Variants in ASB4 observed in about 807,000 individuals in gnomAD.
The protein encoded by ASB4 is ankyrin repeat and SOCS box protein 4.
Under a neutral mutation model 38.6 loss-of-function variants are expected in ASB4, and 35 were observed. The observed-to-expected ratio is 0.91, with a 90% confidence interval of 0.69 to 1.20. The LOEUF (loss-of-function observed/expected upper bound fraction) is 1.20, where lower values mean the gene tolerates loss of function less well. Ranked by LOEUF, ASB4 falls within the 50% of genes most tolerant of loss-of-function variation. The probability of loss-of-function intolerance (pLI) is 0.00; values close to 1 mark genes in which losing one functional copy is unlikely to be tolerated. For missense variants in ASB4, 557 were observed against 527.2 expected (o/e 1.06, Z -0.55); for synonymous variants, 195 against 201.3 (o/e 0.97, Z 0.26).
At chr7:95,509,667 C>T (rs762755390) in intron 2 of ASB4, among the ~76,000 whole-genome samples, 6 of 152,058 alleles carry the variant, frequency 3.9e-5, no homozygotes, top group Admixed American at 2.0e-4. Flanking sequence ...ATTGGCACTA[C>T]ATATAAAGGA....
chr7:95,495,758 G>C lies in ASB4; in HGVS notation c.188G>C (p.Gly63Ala), dbSNP rs1161252957. 6 of 1,529,564 alleles carry C rather than the reference G, an allele frequency of 3.9e-6. No individual in the cohort carries two copies. Among genetic ancestry groups the C allele is most frequent in the Non-Finnish European group, 5.3e-6 (6 of 1,134,226 alleles). The allele number at this position is 1,529,564 out of a possible 1,614,324, so 94.7% of individuals were successfully genotyped here. Reference sequence around the variant, plus strand: ...TTTTCCTTTTTTTTTTTTTTTTCAGGTTACTGGTTGCCTAGCTATAAATTG... The same window carrying C: ...TTTTCCTTTTTTTTTTTTTTTTCAGCTTACTGGTTGCCTAGCTATAAATTG... Reference protein sequence around the residue: ...ENMVLASYKQGYWLPSYKLKS... With the variant: ...ENMVLASYKQAYWLPSYKLKS... The change falls in exon 2 of 5, where the codon GGT (glycine) becomes GCT (alanine). Residue 63 changes from glycine to alanine, a missense_variant and splice_region_variant. Coordinates refer to ENST00000325885, the MANE Select transcript of ASB4 (RefSeq NM_016116.3).
At chr7:95,500,942 G>C (rs1052274537) in intron 2 of ASB4, among the ~76,000 whole-genome samples, 1 of 152,018 alleles carries the variant, frequency 6.6e-6, no homozygotes, top group Admixed American at 6.5e-5. Context: ...GCATAATTTG[G>C]AGCTTACTCA....
the ASB4 span, among the ~76,000 whole-genome samples, chr7:95,549,643 C>A: frequency 1.3e-4 from 20 of 152,086 alleles, no homozygotes; most frequent in African/African-American, 4.8e-4. Context: ...AAGAACAGGT[C>A]TGTAATGATG....
downstream of ASB4, chr7:95,543,028 G>A (rs1790991123): frequency 6.6e-6 from 1 of 152,260 alleles, no homozygotes; most frequent in East Asian, 1.9e-4. Flanking sequence ...TCCTTCTCAA[G>A]ATCCAGGAGC....
chr7:95,490,726 A>C (rs1012978360), intron 1 of ASB4, among the ~76,000 whole-genome samples: 1 of 152,248 alleles, frequency 6.6e-6, no homozygotes, highest in Admixed American at 6.5e-5. Flanking sequence ...AGGCCCAAAC[A>C]CTTTGCTCCT....
intron 2 of ASB4, among the ~76,000 whole-genome samples, chr7:95,498,195 G>A (rs1336630884): frequency 6.6e-6 from 1 of 152,114 alleles, no homozygotes; most frequent in Non-Finnish European, 1.5e-5. Context: ...ATTAGGCTGG[G>A]CACGGTGGCT....
At chr7:95,550,273 C>G in the ASB4 span, among the ~76,000 whole-genome samples, 2,008 of 152,224 alleles carry the variant, frequency 0.013, 51 homozygotes, top group African/African-American at 0.046. Flanking sequence ...AACTATGTGA[C>G]ACAGAGAGAC....
intron 2 of ASB4, among the ~76,000 whole-genome samples, chr7:95,500,631 A>T (rs1172502734): frequency 2.0e-5 from 3 of 150,622 alleles, no homozygotes; most frequent in African/African-American, 7.3e-5. Flanking sequence ...AATGAAGGGG[A>T]AGAAAAAATT....
chr7:95,499,037 C>T (rs1790292908), intron 2 of ASB4, among the ~76,000 whole-genome samples: 1 of 152,130 alleles, frequency 6.6e-6, no homozygotes, highest in Non-Finnish European at 1.5e-5. Context: ...GCTCCACTGA[C>T]TTGATTGCCA....
intron 2 of ASB4, among the ~76,000 whole-genome samples, chr7:95,521,702 G>A (rs1320747989): frequency 6.7e-6 from 1 of 148,652 alleles, no homozygotes; most frequent in African/African-American, 2.5e-5. Flanking sequence ...AAAAAAAACA[G>A]TTCTCTATTC....
At chr7:95,481,736 A>G (rs968050986), upstream of ASB4, among the ~76,000 whole-genome samples, 2 of 152,228 alleles carry the variant, frequency 1.3e-5, no homozygotes, top group Non-Finnish European at 1.5e-5. Flanking sequence ...CTGCTGTCTC[A>G]GCCATGGGTC....
At chr7:95,548,233 A>G in the ASB4 span, among the ~76,000 whole-genome samples, 2 of 152,212 alleles carry the variant, frequency 1.3e-5, no homozygotes, top group Admixed American at 6.5e-5. Flanking sequence ...TTGGTGATGT[A>G]AGTCTTTTTA....
rs1458869344 is a variant in ASB4 at position 95,527,996 on chromosome 7, A to C, written c.671A>C (p.Glu224Ala). 1.1e-5 allele frequency: 18 copies of C among 1,613,932 alleles called. No homozygotes were observed. The Admixed American group carries it at 3.0e-4, about 27-fold the overall frequency. Residue 224 changes from glutamate (E) to alanine (A), a missense_variant, in exon 3 of 5, where the codon GAG becomes GCG. Glu to Ala is a moderately radical substitution (Grantham distance 107). Coordinates refer to ENST00000325885, the MANE Select transcript of ASB4 (RefSeq NM_016116.3). Reference protein sequence around the residue: ...IAAYWALRFKEQEYSTEHHLV... With the variant: ...IAAYWALRFKAQEYSTEHHLV... ...GCCTACTGGGCCCTCCGCTTTAAGG[A>C]GCAGGAGTACAGCACGGAGCACCAC...
In ASB4 at chr7:95,537,800, G is replaced by T; in HGVS notation, c.*41G>T. On this transcript the variant is annotated 3_prime_UTR_variant, in exon 5 of 5. Coordinates refer to ENST00000325885, the MANE Select transcript of ASB4 (RefSeq NM_016116.3). ...AGTTCCCAATCCTAGGTATTTAAGT[G>T]GACTTGCTGGGTAGACACAGTTTGC... 6.4e-7 allele frequency: 1 copy of T among 1,550,992 alleles called. No homozygotes were observed. Among genetic ancestry groups the T allele is most frequent in the Non-Finnish European group, 8.8e-7 (1 of 1,133,900 alleles).
chr7:95,548,643 T>C, the ASB4 span, among the ~76,000 whole-genome samples: 1 of 152,226 alleles, frequency 6.6e-6, no homozygotes, highest in Non-Finnish European at 1.5e-5. Flanking sequence ...AGAAAAGTTA[T>C]GTTAATCAAG....
At chr7:95,515,959 T>A (rs1330141591) in intron 2 of ASB4, among the ~76,000 whole-genome samples, 1 of 152,194 alleles carries the variant, frequency 6.6e-6, no homozygotes, top group East Asian at 1.9e-4. Context: ...TCATGCCATG[T>A]TATCTCCCTG....
chr7:95,512,906 A>G (rs1353053467), intron 2 of ASB4, among the ~76,000 whole-genome samples: 2 of 152,170 alleles, frequency 1.3e-5, no homozygotes, highest in Non-Finnish European at 2.9e-5. Flanking sequence ...CTGTGATTAC[A>G]TGTTACTTGA....
At chr7:95,512,007 G>A (rs1790489317) in intron 2 of ASB4, among the ~76,000 whole-genome samples, 1 of 152,268 alleles carries the variant, frequency 6.6e-6, no homozygotes, top group African/African-American at 2.4e-5. Context: ...GACTGTATAT[G>A]TCAGTCAGCA....
rs753626720 is a variant in ASB4 at position 95,527,858 on chromosome 7, C to T, written c.533C>T (p.Pro178Leu). 6.2e-7 allele frequency: 1 copy of T among 1,612,052 alleles called. No individual in the cohort carries two copies. Among genetic ancestry groups the T allele is most frequent in the Non-Finnish European group, 8.5e-7 (1 of 1,178,568 alleles). The change falls in exon 3 of 5, where the codon CCC becomes CTC. Residue 178 changes from proline to leucine, a missense_variant. By Grantham distance (98) the Pro-to-Leu change is moderately conservative (BLOSUM62 -3). Coordinates refer to ENST00000325885, the MANE Select transcript of ASB4 (RefSeq NM_016116.3). Reference sequence around the variant, plus strand: ...ACCAACAACCAAGATGAGGAGACGCCCTTGCACACGGCTGCCCACTTCGGC... The same window carrying T: ...ACCAACAACCAAGATGAGGAGACGCTCTTGCACACGGCTGCCCACTTCGGC... ...MKTNNQDEET[P>L]LHTAAHFGLS...
Sources: allele counts gnomAD v4.1 joint callset (sites outside exome capture counted in the v4.1 genomes callset), GRCh38; gene constraint gnomAD v4.1.1; transcripts MANE v1.5; gene names NCBI Gene and HGNC (gene_info 2026-07-23, HGNC 2026-07-21).